SCAI: variants seen among roughly 807,000 people sequenced by gnomAD.
SCAI encodes the protein protein SCAI.
A neutral mutation model predicts 92.2 loss-of-function variants in SCAI; 24 were observed. The observed-to-expected ratio is 0.26, with a 90% confidence interval of 0.19 to 0.37. The LOEUF is 0.37. SCAI is among the 10% of genes least tolerant of loss of function. The pLI is 1.00. For missense variants in SCAI, 450 were observed against 736.2 expected (o/e 0.61, Z 4.50); for synonymous variants, 261 against 258.6 (o/e 1.01, Z -0.09).
At chr9:124,965,522 A>G (rs1723412271) in intron 17 of SCAI, among the ~76,000 whole-genome samples, 1 of 152,208 alleles carries the variant, frequency 6.6e-6, no homozygotes. Context: ...GGCGTGAGCT[A>G]CTGTGCCCGG....
At chr9:125,001,592 G>A (rs1246583316) in intron 12 of SCAI, among the ~76,000 whole-genome samples, 1 of 152,176 alleles carries the variant, frequency 6.6e-6, no homozygotes, top group Non-Finnish European at 1.5e-5. Flanking sequence ...TGCACTGAAA[G>A]CTCAGAAAAA....
intron 12 of SCAI, among the ~76,000 whole-genome samples, chr9:125,000,477 T>C (rs927654841): frequency 1.7e-4 from 26 of 150,120 alleles, no homozygotes; most frequent in African/African-American, 6.1e-4. Flanking sequence ...TAGTGAGACC[T>C]GTCTCTACAA....
At chr9:124,998,043 G>A (rs1199176828) in intron 13 of SCAI, among the ~76,000 whole-genome samples, 1 of 152,054 alleles carries the variant, frequency 6.6e-6, no homozygotes, top group African/African-American at 2.4e-5. Flanking sequence ...GGGTTCATGT[G>A]ATCCTCCTAC....
chr9:125,136,456 C>CTTTTTTTTTTTTTTT (rs1167871254), intron 2 of SCAI, among the ~76,000 whole-genome samples: 1 of 95,216 alleles, frequency 1.1e-5, no homozygotes, highest in Non-Finnish European at 2.1e-5. Context: ...TAATACCTTT[C>CTTTTTTTTTTTTTTT]TTTTTTTTTT....
At chr9:124,956,509 G>A (rs948965277) in intron 17 of SCAI, among the ~76,000 whole-genome samples, 1 of 151,946 alleles carries the variant, frequency 6.6e-6, no homozygotes, top group Non-Finnish European at 1.5e-5. Context: ...GTGAGCCACC[G>A]CGCCTGGCTG....
intron 3 of SCAI, among the ~76,000 whole-genome samples, chr9:125,042,783 T>C (rs2131112285): frequency 6.7e-6 from 1 of 150,218 alleles, no homozygotes; most frequent in African/African-American, 2.4e-5. Flanking sequence ...TTTTCCACCA[T>C]ATGGAATAAC....
intron 3 of SCAI, among the ~76,000 whole-genome samples, chr9:125,048,192 G>A (rs557996171): frequency 1.3e-5 from 2 of 152,054 alleles, no homozygotes; most frequent in East Asian, 1.9e-4. Context: ...TGGTCAGGCT[G>A]GGCTCAAATT....
intron 17 of SCAI, among the ~76,000 whole-genome samples, chr9:124,970,065 C>T (rs1831625969): frequency 6.6e-6 from 1 of 151,988 alleles, no homozygotes. Flanking sequence ...TGTTGGCCAG[C>T]CTGGTCTTGA....
intron 9 of SCAI, among the ~76,000 whole-genome samples, chr9:125,005,104 T>C (rs1832476438): frequency 6.6e-6 from 1 of 151,738 alleles, no homozygotes; most frequent in East Asian, 2.0e-4. Context: ...CCATATTTTA[T>C]AGTAATTTCT....
chr9:125,104,221 T>C (rs1330652035), intron 2 of SCAI, among the ~76,000 whole-genome samples: 1 of 152,142 alleles, frequency 6.6e-6, no homozygotes, highest in South Asian at 2.1e-4. Flanking sequence ...AGAGCTGACA[T>C]CGTAACAATT....
At chr9:125,021,643 T>A (rs1302512391) in intron 6 of SCAI, among the ~76,000 whole-genome samples, 1 of 152,212 alleles carries the variant, frequency 6.6e-6, no homozygotes, top group Non-Finnish European at 1.5e-5. Flanking sequence ...ATATCCTACA[T>A]CACAAATAAT....
At chr9:124,954,121 G>T (rs997711021) in intron 17 of SCAI, among the ~76,000 whole-genome samples, 2 of 152,310 alleles carry the variant, frequency 1.3e-5, no homozygotes, top group Admixed American at 6.5e-5. Context: ...GATTACAGGC[G>T]TGAGCCACTG....
At chr9:125,087,108 T>G (rs1834338945) in intron 2 of SCAI, among the ~76,000 whole-genome samples, 1 of 152,148 alleles carries the variant, frequency 6.6e-6, no homozygotes, top group Non-Finnish European at 1.5e-5. Flanking sequence ...AACAAAGGAA[T>G]GTAACTAGAG....
At chr9:125,110,150 A>G (rs1192626036) in intron 2 of SCAI, among the ~76,000 whole-genome samples, 1 of 152,254 alleles carries the variant, frequency 6.6e-6, no homozygotes, top group East Asian at 1.9e-4. Flanking sequence ...GTATGACACC[A>G]TTTGAAAAAG....
chr9:124,956,989 AT>A (rs35575491), intron 17 of SCAI, among the ~76,000 whole-genome samples: 5,489 of 141,118 alleles, frequency 0.039, 320 homozygotes, highest in African/African-American at 0.13. Context: ...GGTCAACTGT[AT>A]TTTTTTTTTT....
At chr9:125,140,844 G>A (rs1301635500) in intron 2 of SCAI, among the ~76,000 whole-genome samples, 2 of 150,578 alleles carry the variant, frequency 1.3e-5, no homozygotes, top group African/African-American at 4.9e-5. Flanking sequence ...GGATGACAGA[G>A]CCAGACCCTG....
chr9:125,133,572 G>C (rs1428972751), intron 2 of SCAI, among the ~76,000 whole-genome samples: 3 of 152,138 alleles, frequency 2.0e-5, no homozygotes, highest in Non-Finnish European at 1.5e-5. Context: ...AGTCATCAGG[G>C]AAAGGCAAAT....
At chr9:125,016,213 TAAATACAAAAAAA>T (rs1221057787) in intron 9 of SCAI, among the ~76,000 whole-genome samples, 3 of 143,830 alleles carry the variant, frequency 2.1e-5, no homozygotes, top group Middle Eastern at 3.6e-3. Flanking sequence ...AATAAAATAA[TAAATACAAAAAAA>T]AAATACAAAA....
intron 2 of SCAI, among the ~76,000 whole-genome samples, chr9:125,111,146 T>G (rs1220827067): frequency 6.7e-6 from 1 of 148,296 alleles, no homozygotes; most frequent in African/African-American, 2.6e-5. Context: ...TTCAGCAATA[T>G]GTTAAAAAAG....
Sources: gnomAD v4.1 joint callset for allele counts (sites outside exome capture counted in the v4.1 genomes callset) on GRCh38, gnomAD v4.1.1 for gene constraint, MANE v1.5 for transcripts, NCBI Gene and HGNC (gene_info 2026-07-23, HGNC 2026-07-21) for gene names.